The following PAQR3 variants were observed in gnomAD, a reference collection of about 807,000 sequenced individuals.
PAQR3 encodes progestin and adipoQ receptor family member 3.
PAQR3 carries 39 observed loss-of-function variants against 41.7 expected under a neutral mutation model. That is an observed-to-expected ratio of 0.93 (90% CI 0.72 to 1.22). The LOEUF is 1.22. Among genes scored for constraint, PAQR3 ranks in the 50% most tolerant of loss-of-function variants. PAQR3 has a pLI of 0.00. For synonymous variants in PAQR3, 140 were observed against 140.6 expected (o/e 1.00, Z 0.03); for missense variants, 366 against 385.6 (o/e 0.95, Z 0.42).
At chr4:78,926,793 C>T (rs1024521270) in intron 3 of PAQR3, 75 bp from the exon 4 acceptor site, 4 of 1,341,900 alleles carry the variant, frequency 3.0e-6, no homozygotes, top group Admixed American at 1.8e-5. Context: ...TTGGCTTTTA[C>T]ACTACAAATT....
chr4:78,899,632 A>G (rs1733893322), intron 11 of PAQR3, among the ~76,000 whole-genome samples: 1 of 152,060 alleles, frequency 6.6e-6, no homozygotes, highest in Non-Finnish European at 1.5e-5. Context: ...AAACAGGAGA[A>G]GTACAGGAGG....
rs1455051643 is a variant in PAQR3 at position 78,915,603 on chromosome 4, CAGT to C, written c.*4933_*4935del. The C allele has an allele frequency of 3.3e-5, 5 of 151,814 alleles. No homozygotes were observed. Among genetic ancestry groups the C allele is most frequent in the Admixed American group, 1.3e-4 (2 of 15,204 alleles). 9.4% of individuals were successfully genotyped at this position (151,814 alleles called of 1,614,324 possible). A position where few individuals can be genotyped will look rare whatever the true frequency, so the allele number is the denominator to read the frequency against. On this transcript the variant is annotated 3_prime_UTR_variant, in exon 6 of 6. Transcript: ENST00000512733. ...TAGTTTATTTGAGAACTTTTATACT[CAGT>C]GGTGTTTTATATATTAAGATAAAAA...
chr4:78,895,916 C>G (rs961058905), intron 11 of PAQR3, among the ~76,000 whole-genome samples: 1 of 151,932 alleles, frequency 6.6e-6, no homozygotes, highest in African/African-American at 2.4e-5. Context: ...CAGAAGCTAC[C>G]TCGCCCAGCT....
At chr4:78,890,542 T>G (rs185878217) in intron 11 of PAQR3, among the ~76,000 whole-genome samples, 12 of 152,326 alleles carry the variant, frequency 7.9e-5, no homozygotes, top group Admixed American at 6.5e-4. Context: ...TTATTATCTA[T>G]CCCATGATCA....
intron 5 of PAQR3, chr4:78,922,329 G>C (rs1447996804): frequency 7.8e-6 from 10 of 1,287,674 alleles, no homozygotes; most frequent in African/African-American, 1.5e-5. Flanking sequence ...CTGTGGGATG[G>C]ATTGTTTAGG....
At position 78,930,169 on chromosome 4, in the gene PAQR3, C is replaced by G. The variant is rs771851629; in HGVS notation, c.504+1G>C. The G allele has an allele frequency of 6.2e-7, 1 of 1,606,190 alleles. No homozygotes were observed. Among genetic ancestry groups the G allele is most frequent in the Non-Finnish European group, 8.5e-7 (1 of 1,177,446 alleles). On this transcript the variant is annotated splice_donor_variant, in intron 3 of 5. Coordinates refer to ENST00000512733, the MANE Select transcript of PAQR3 (RefSeq NM_001040202.2). LOFTEE classifies it high-confidence loss of function. ...AATGTAAAATGTTTTCATCTACTTA[C>G]GTTATTACAATAAAATGCGTAAAAT...
At chr4:78,921,690 T>G (rs1442153230) in intron 5 of PAQR3, 3 of 985,018 alleles carry the variant, frequency 3.0e-6, no homozygotes, top group African/African-American at 3.5e-5. Flanking sequence ...TTTTTAAACA[T>G]TCAACCTGAG....
chr4:78,921,327 ATCTC>A (rs1418583213), intron 5 of PAQR3, among the ~76,000 whole-genome samples: 2 of 151,940 alleles, frequency 1.3e-5, no homozygotes, highest in Non-Finnish European at 2.9e-5. Context: ...AAACTTCTTG[ATCTC>A]TCTCAGTAAA....
rs1220574898 is a variant in PAQR3, at chr4:78,919,387, T to G, written c.*1152A>C. 3 of 984,376 alleles carry G rather than the reference T, an allele frequency of 3.0e-6. No homozygotes were observed. In the Admixed American group the frequency reaches 1.9e-4, roughly 61 times the overall value. 61.0% of individuals were successfully genotyped at this position (984,376 alleles called of 1,614,324 possible). On this transcript the variant is annotated 3_prime_UTR_variant, in exon 6 of 6. Coordinates refer to ENST00000512733, the MANE Select transcript of PAQR3 (RefSeq NM_001040202.2). ...AGACCAAAGAATAAGAGGGCTACAATGTATGATAGGGCAGTGAGTTCTATT... is the reference window on the plus strand; with the variant it reads ...AGACCAAAGAATAAGAGGGCTACAAGGTATGATAGGGCAGTGAGTTCTATT...
chr4:78,910,824 AGAT>A, downstream of PAQR3: 1 of 1,613,956 alleles, frequency 6.2e-7, no homozygotes, highest in Non-Finnish European at 8.5e-7. Flanking sequence ...AGGAAGAGCA[AGAT>A]GATGAAGAAG....
At chr4:78,930,509 T>C (rs1736750133) in intron 2 of PAQR3, 184 bp from the exon 3 acceptor site, 2 of 429,246 alleles carry the variant, frequency 4.7e-6, no homozygotes, top group Non-Finnish European at 7.9e-6. Flanking sequence ...TGTAGAGCCA[T>C]GAGGGAAAGC....
At chr4:78,900,846 T>C (rs1254660139) in intron 11 of PAQR3, among the ~76,000 whole-genome samples, 1 of 152,242 alleles carries the variant, frequency 6.6e-6, no homozygotes, top group African/African-American at 2.4e-5. Flanking sequence ...ATCTGTTTGC[T>C]ATATGCAAAT....
intron 11 of PAQR3, among the ~76,000 whole-genome samples, chr4:78,898,270 T>C (rs12643807): frequency 0.07 from 10,678 of 152,138 alleles, 529 homozygotes; most frequent in East Asian, 0.22. Flanking sequence ...AGTTTAGGAT[T>C]GGGAAACATT....
chr4:78,898,452 G>A (rs763359706), intron 11 of PAQR3, among the ~76,000 whole-genome samples: 1 of 151,678 alleles, frequency 6.6e-6, no homozygotes, highest in Non-Finnish European at 1.5e-5. Context: ...AATTAAACTG[G>A]AGAGGTTGGC....
chr4:78,933,210 T>C (rs374428138), intron 2 of PAQR3: 17 of 456,180 alleles, frequency 3.7e-5, no homozygotes, highest in African/African-American at 1.6e-4. Context: ...CAGCACTGTT[T>C]TACCGATGCC....
intron 2 of PAQR3, among the ~76,000 whole-genome samples, chr4:78,931,214 T>TAAAAAAAAA (rs1736860220): frequency 1.7e-5 from 2 of 114,750 alleles, no homozygotes; most frequent in African/African-American, 6.2e-5. Flanking sequence ...AAAAAAAAAT[T>TAAAAAAAAA]GGGCATGGCG....
intron 5 of PAQR3, chr4:78,922,246 T>C (rs1735727226): frequency 8.2e-7 from 1 of 1,223,332 alleles, no homozygotes; most frequent in Non-Finnish European, 1.0e-6. Context: ...CAACGCAGGT[T>C]TTCCCTTGTA....
chr4:78,921,813 T>C (rs1735687876), intron 5 of PAQR3: 1 of 985,026 alleles, frequency 1.0e-6, no homozygotes, highest in Non-Finnish European at 1.2e-6. Flanking sequence ...TTTGAGACTA[T>C]CACTTTTCAC....
Position 78,912,747 on chromosome 4 carries a change from A to G in PAQR3, c.*7792T>C, listed in dbSNP as rs1163627012. The G allele has an allele frequency of 6.6e-6, 1 of 152,160 alleles. No individual in the cohort carries two copies. Among genetic ancestry groups the G allele is most frequent in the African/African-American group, 2.4e-5 (1 of 41,450 alleles). 9.4% of individuals were successfully genotyped at this position (152,160 alleles called of 1,614,324 possible). A position where few individuals can be genotyped will look rare whatever the true frequency, so the allele number is the denominator to read the frequency against. On this transcript the variant is annotated 3_prime_UTR_variant, in exon 6 of 6. Transcript: ENST00000512733. ...ATGTTATACATGATAAATATATATA[A>G]TTTTTGTCAGTTAAAACAAATTAAA...
Sources: allele counts gnomAD v4.1 joint callset (sites outside exome capture counted in the v4.1 genomes callset), GRCh38; gene constraint gnomAD v4.1.1; transcripts MANE v1.5; gene names NCBI Gene and HGNC (gene_info 2026-07-23, HGNC 2026-07-21).